Variants in INPP4B observed in about 807,000 individuals in gnomAD.
INPP4B encodes the protein inositol polyphosphate-4-phosphatase type II B, also known as inositol polyphosphate 4-phosphatase type II.
A neutral mutation model predicts 122.5 loss-of-function variants in INPP4B; 55 were observed. The observed-to-expected ratio is 0.45, with a 90% CI of 0.36 to 0.56. The LOEUF (loss-of-function observed/expected upper bound fraction) is 0.56, where lower values mean the gene tolerates loss of function less well. Among genes scored for constraint, INPP4B ranks in the 20% least tolerant of loss-of-function variants. INPP4B has a pLI of 0.00. For synonymous variants in INPP4B, 403 were observed against 388.7 expected, an observed-to-expected ratio of 1.04 and a Z score of -0.43; for missense variants, 1,000 against 1,097.7, an observed-to-expected ratio of 0.91 and a Z score of 1.26.
intron 1 of INPP4B, among the ~76,000 whole-genome samples, chr4:142,770,354 A>G (rs1772853837): frequency 1.3e-5 from 2 of 152,208 alleles, no homozygotes; most frequent in African/African-American, 2.4e-5. Flanking sequence ...TCATGTTAAT[A>G]TAAGTAAAAG....
intron 2 of INPP4B, among the ~76,000 whole-genome samples, chr4:142,486,292 C>T (rs1052017964): frequency 6.6e-6 from 1 of 152,198 alleles, no homozygotes; most frequent in Non-Finnish European, 1.5e-5. Context: ...TTCTCACCAA[C>T]ATTTAGACTT....
intron 2 of INPP4B, among the ~76,000 whole-genome samples, chr4:142,548,971 G>A (rs1206940980): frequency 1.3e-5 from 2 of 151,546 alleles, no homozygotes; most frequent in Admixed American, 6.6e-5. Context: ...AAATGGGTAC[G>A]CTCTATTGCC....
At chr4:142,711,027 T>C (rs956361691) in intron 2 of INPP4B, among the ~76,000 whole-genome samples, 1 of 152,202 alleles carries the variant, frequency 6.6e-6, no homozygotes, top group African/African-American at 2.4e-5. Flanking sequence ...TTGAACTTTA[T>C]CTCTGCAACA....
chr4:142,770,469 T>C (rs1283681245), intron 1 of INPP4B, among the ~76,000 whole-genome samples: 2 of 152,162 alleles, frequency 1.3e-5, no homozygotes, highest in Non-Finnish European at 2.9e-5. Context: ...TTGGTTTTCC[T>C]GCCTAATAAA....
chr4:142,183,621 A>G (rs1831841868), intron 15 of INPP4B, among the ~76,000 whole-genome samples: 1 of 152,210 alleles, frequency 6.6e-6, no homozygotes, highest in Non-Finnish European at 1.5e-5. Flanking sequence ...ATCTAGAACA[A>G]CAGACAGCTT....
chr4:142,421,456 T>G lies in INPP4B; in HGVS notation c.136+7717A>C, dbSNP rs1032407739. On this transcript the variant is annotated intron_variant, in intron 5 of 25. Transcript: ENST00000262992. ...CCCAGAGGCAGTAAGACTCAATACT[T>G]CATGATACCTACATATAATTTGGTG... Among the ~76,000 whole-genome samples, 4 of 152,232 alleles carry G rather than the reference T, an allele frequency of 2.6e-5. No homozygotes were observed. The South Asian group carries it at 8.3e-4, about 32-fold the overall frequency.
At chr4:142,173,511 CT>C in intron 16 of INPP4B, 120 bp downstream of exon 16, 1 of 791,498 alleles carries the variant, frequency 1.3e-6, no homozygotes, top group Non-Finnish European at 2.0e-6. Flanking sequence ...TTGAAGCTTA[CT>C]TTTTAACCTA....
At chr4:142,081,470 T>A (rs1360370108) in intron 25 of INPP4B, among the ~76,000 whole-genome samples, 1 of 152,154 alleles carries the variant, frequency 6.6e-6, no homozygotes, top group East Asian at 1.9e-4. Flanking sequence ...ACCATATTAA[T>A]TCTCTATTTT....
At chr4:142,297,806 A>G (rs1759427872) in intron 9 of INPP4B, among the ~76,000 whole-genome samples, 2 of 152,224 alleles carry the variant, frequency 1.3e-5, no homozygotes, top group South Asian at 4.1e-4. Context: ...CAACAAGTTA[A>G]GCAAGCAAAC....
At chr4:142,528,808 G>A (rs1827241868) in intron 2 of INPP4B, among the ~76,000 whole-genome samples, 2 of 152,072 alleles carry the variant, frequency 1.3e-5, no homozygotes, top group South Asian at 4.1e-4. Flanking sequence ...TAACAGACAA[G>A]CTATAGTTAT....
intron 2 of INPP4B, among the ~76,000 whole-genome samples, chr4:142,567,461 C>T (rs1004015584): frequency 6.6e-5 from 10 of 152,254 alleles, no homozygotes; most frequent in African/African-American, 2.4e-4. Context: ...TCTCCCCCTT[C>T]AGCCTTCCGA....
intron 3 of INPP4B, among the ~76,000 whole-genome samples, chr4:142,442,370 C>T (rs548119753): frequency 3.6e-5 from 5 of 139,390 alleles, no homozygotes; most frequent in Non-Finnish European, 7.5e-5. Context: ...CAAGATCATG[C>T]CACTGCACTC....
At chr4:142,636,783 T>C (rs748231945) in intron 2 of INPP4B, among the ~76,000 whole-genome samples, 2 of 152,126 alleles carry the variant, frequency 1.3e-5, no homozygotes, top group African/African-American at 2.4e-5. Flanking sequence ...CCCTTTCTCC[T>C]ACTAATATCA....
chr4:142,547,206 C>T (rs1829741689), intron 2 of INPP4B, among the ~76,000 whole-genome samples: 1 of 151,352 alleles, frequency 6.6e-6, no homozygotes, highest in Non-Finnish European at 1.5e-5. Flanking sequence ...TTACATCCTA[C>T]AAATTCATAG....
intron 1 of INPP4B, among the ~76,000 whole-genome samples, chr4:142,739,690 A>G (rs1452993599): frequency 6.6e-6 from 1 of 152,012 alleles, no homozygotes; most frequent in Non-Finnish European, 1.5e-5. Context: ...ATGATACAGA[A>G]ATTTTAGCAT....
At chr4:142,834,858 C>T (rs1782594291) in intron 1 of INPP4B, among the ~76,000 whole-genome samples, 1 of 152,186 alleles carries the variant, frequency 6.6e-6, no homozygotes, top group African/African-American at 2.4e-5. Flanking sequence ...TTCATCACTG[C>T]TAGGGCATTG....
intron 2 of INPP4B, among the ~76,000 whole-genome samples, chr4:142,648,107 T>C (rs1040414224): frequency 6.6e-6 from 1 of 152,262 alleles, no homozygotes; most frequent in African/African-American, 2.4e-5. Context: ...CAAAAAAGTA[T>C]TTCCTGGGTT....
chr4:142,082,257 C>T, intron 24 of INPP4B, 72 bp from the exon 25 acceptor site: 1 of 1,269,454 alleles, frequency 7.9e-7, no homozygotes, highest in South Asian at 2.2e-5. Flanking sequence ...CCTCCAAACA[C>T]TTCTAGTCTA....
intron 25 of INPP4B, among the ~76,000 whole-genome samples, chr4:142,053,889 T>A (rs1351315248): frequency 3.3e-5 from 5 of 152,130 alleles, no homozygotes; most frequent in Non-Finnish European, 7.4e-5. Flanking sequence ...GAATATATCA[T>A]TCTTGCTCAC....
Sources: allele counts gnomAD v4.1 joint callset (sites outside exome capture counted in the v4.1 genomes callset), GRCh38; gene constraint gnomAD v4.1.1; transcripts MANE v1.5; gene names NCBI Gene and HGNC (gene_info 2026-07-23, HGNC 2026-07-21).